SMIM19: variants seen among roughly 807,000 people sequenced by gnomAD.
SMIM19 encodes UPF0697 protein C8orf40.
A neutral mutation model predicts 13.2 loss-of-function variants in SMIM19; 6 were observed. That is an observed-to-expected ratio of 0.45 (90% confidence interval 0.25 to 0.90). SMIM19 has a LOEUF of 0.90. Among genes scored for constraint, SMIM19 ranks in the 40% least tolerant of loss-of-function variants. SMIM19 has a pLI of 0.19. For missense variants in SMIM19, 138 were observed against 131.0 expected, an observed-to-expected ratio of 1.05 and a Z score of -0.26; for synonymous variants, 46 against 43.1, an observed-to-expected ratio of 1.07 and a Z score of -0.27.
chr8:42,552,050 C>T (rs1024139013), intron 3 of SMIM19, among the ~76,000 whole-genome samples: 1 of 152,166 alleles, frequency 6.6e-6, no homozygotes, highest in Non-Finnish European at 1.5e-5. Flanking sequence ...AAATGGGCAT[C>T]AGCAGTGTTG....
At chr8:42,542,748 C>G (rs1417288091) in intron 1 of SMIM19, among the ~76,000 whole-genome samples, 1 of 151,654 alleles carries the variant, frequency 6.6e-6, no homozygotes, top group Non-Finnish European at 1.5e-5. Context: ...ATTGCCTGAG[C>G]TCAGGAGTTT....
intron 2 of SMIM19, among the ~76,000 whole-genome samples, chr8:42,547,293 G>A (rs1056568749): frequency 6.6e-6 from 1 of 151,486 alleles, no homozygotes; most frequent in Admixed American, 6.6e-5. Context: ...ATGGGAGGAG[G>A]ATGCAGTGAG....
intron 2 of SMIM19, chr8:42,548,393 G>C: frequency 1.9e-6 from 1 of 519,546 alleles, no homozygotes; most frequent in Non-Finnish European, 3.7e-6. Context: ...GCTTTTGGAG[G>C]ATTGAGGAGA....
At chr8:42,545,821 C>A (rs552801831) in intron 1 of SMIM19, among the ~76,000 whole-genome samples, 1 of 152,182 alleles carries the variant, frequency 6.6e-6, no homozygotes. Context: ...TGAGCCACCA[C>A]GCCCAGCAGA....
intron 1 of SMIM19, among the ~76,000 whole-genome samples, chr8:42,545,874 C>A (rs908996757): frequency 2.6e-5 from 4 of 152,110 alleles, no homozygotes; most frequent in South Asian, 2.1e-4. Context: ...CTGGGTGTTA[C>A]AATTTGGAAA....
Position 42,552,595 on chromosome 8 carries a change from T to A in SMIM19, c.311T>A (p.Leu104His). Reference sequence around the variant, plus strand: ...CAAAACCAAGCTGACAGTGTGCAACTCTCATTGGAATGAAACCTCAGAAAA... The same window carrying A: ...CAAAACCAAGCTGACAGTGTGCAACACTCATTGGAATGAAACCTCAGAAAA... ...QPQNQADSVQLSLE is the reference protein window; with the variant it reads ...QPQNQADSVQHSLE Residue 104 changes from leucine to histidine, a missense_variant, in exon 4 of 4, where the codon CTC becomes CAC. By Grantham distance (99) the Leu-to-His change is moderately conservative. Transcript: ENST00000417410. 6.2e-7 allele frequency: 1 copy of A among 1,614,118 alleles called. No individual in the cohort carries two copies. Among genetic ancestry groups the A allele is most frequent in the African/African-American group, 1.3e-5 (1 of 75,062 alleles).
intron 3 of SMIM19, among the ~76,000 whole-genome samples, chr8:42,549,859 G>A (rs1046223798): frequency 4.6e-5 from 7 of 152,162 alleles, no homozygotes; most frequent in Non-Finnish European, 8.8e-5. Flanking sequence ...CACTTTGGGA[G>A]TCTGAGACAG....
intron 1 of SMIM19, among the ~76,000 whole-genome samples, chr8:42,544,978 C>G (rs777914855): frequency 1.3e-5 from 2 of 152,100 alleles, no homozygotes; most frequent in Non-Finnish European, 1.5e-5. Flanking sequence ...TTGTAGGCAG[C>G]GTAGAAAAAA....
At chr8:42,546,355 A>C in intron 1 of SMIM19, 114 bp from the exon 2 acceptor site, 1 of 1,259,570 alleles carries the variant, frequency 7.9e-7, no homozygotes. Flanking sequence ...TGGGCCGCAC[A>C]CAAACAGGTG....
intron 3 of SMIM19, among the ~76,000 whole-genome samples, chr8:42,551,275 G>A (rs1041388838): frequency 1.4e-5 from 2 of 147,720 alleles, no homozygotes; most frequent in Non-Finnish European, 3.0e-5. Flanking sequence ...CTGAGATCAC[G>A]CCACTGCACT....
chr8:42,545,656 A>G (rs1813453520), intron 1 of SMIM19, among the ~76,000 whole-genome samples: 1 of 152,176 alleles, frequency 6.6e-6, no homozygotes, highest in Admixed American at 6.5e-5. Flanking sequence ...TCATCCTCCC[A>G]AGTAGCTGGG....
At chr8:42,544,020 A>G (rs1010577680) in intron 1 of SMIM19, among the ~76,000 whole-genome samples, 5 of 152,150 alleles carry the variant, frequency 3.3e-5, no homozygotes, top group East Asian at 1.9e-4. Flanking sequence ...AAAAGTTTCC[A>G]TGTCTAAAGT....
rs1245489361 is a variant in SMIM19, at chr8:42,541,829, GGTCCC to G, written c.-546_-542del. On this transcript the variant is annotated 5_prime_UTR_variant, in exon 1 of 4. Transcript: ENST00000417410. The stretch of plus-strand genomic sequence containing the variant: ...GGGGGGTGGCCGCCCGCCTGCCCTC[GGTCCC>G]GTGCGGTCCCCGAAACTCCGAGCAC... 2.0e-5 allele frequency: 3 copies of G among 151,106 alleles called. No homozygotes were observed. The highest frequency in any genetic ancestry group is 1.3e-4 in the Admixed American group (2 of 15,218). 9.4% of individuals were successfully genotyped at this position (151,106 alleles called of 1,614,324 possible). A position where few individuals can be genotyped will look rare whatever the true frequency, so the allele number is the denominator to read the frequency against.
At chr8:42,542,694 C>T (rs1813295697) in intron 1 of SMIM19, among the ~76,000 whole-genome samples, 1 of 152,038 alleles carries the variant, frequency 6.6e-6, no homozygotes, top group Admixed American at 6.6e-5. Context: ...GGCACGGTGG[C>T]TCACGCCTGT....
chr8:42,548,957 C>T (rs1344185410), intron 3 of SMIM19, among the ~76,000 whole-genome samples, 177 bp downstream of exon 3: 1 of 152,014 alleles, frequency 6.6e-6, no homozygotes, highest in Non-Finnish European at 1.5e-5. Flanking sequence ...TATTTTATAC[C>T]ATTTGCATGT....
Position 42,548,726 on chromosome 8 carries a change from T to G in SMIM19, c.205T>G (p.Tyr69Asp), listed in dbSNP as rs370663746. The G allele has an allele frequency of 1.2e-6, 2 of 1,613,904 alleles. No homozygotes were observed. The highest frequency in any genetic ancestry group is 2.7e-5 in the African/African-American group (2 of 74,938). Residue 69 changes from tyrosine (Y) to aspartate (D), a missense_variant, in exon 3 of 4, where the codon TAT becomes GAT. Physicochemically the swap from Tyr to Asp is radical, Grantham distance 160. Coordinates refer to ENST00000417410, the MANE Select transcript of SMIM19 (RefSeq NM_001135674.2). ...GGAAACTTTGTCAGAGCCCAACTTT[T>G]ATGACACGATAAGCAAGATTCGTTT... is the stretch of plus-strand genomic sequence containing the variant. ...TEETLSEPNFYDTISKIRLRQ... is the reference protein window; with the variant it reads ...TEETLSEPNFDDTISKIRLRQ...
upstream of SMIM19, chr8:42,541,309 G>GC (rs1252301046): frequency 6.7e-6 from 1 of 148,920 alleles, no homozygotes; most frequent in Non-Finnish European, 1.5e-5. Context: ...ACCCGCCGCC[G>GC]CCGCGAGCCC....
chr8:42,546,441 A>G, intron 1 of SMIM19, 28 bp from the exon 2 acceptor site: 1 of 1,580,344 alleles, frequency 6.3e-7, no homozygotes, highest in African/African-American at 1.4e-5. Context: ...TAATTAAAAG[A>G]AACCCTGCTT....
At chr8:42,547,541 C>A (rs938278231) in intron 2 of SMIM19, among the ~76,000 whole-genome samples, 6 of 152,188 alleles carry the variant, frequency 3.9e-5, no homozygotes, top group East Asian at 1.9e-4. Context: ...TCCCTGAATG[C>A]AGAAACACTG....
Sources: gnomAD v4.1 joint callset for allele counts (sites outside exome capture counted in the v4.1 genomes callset) on GRCh38, gnomAD v4.1.1 for gene constraint, MANE v1.5 for transcripts, NCBI Gene and HGNC (gene_info 2026-07-23, HGNC 2026-07-21) for gene names.